The following PCSK4 variants were observed in gnomAD, a reference collection of about 807,000 sequenced individuals.
The protein encoded by PCSK4 is proprotein convertase subtilisin/kexin type 4.
PCSK4 carries 64 observed loss-of-function variants against 80.3 expected under a neutral mutation model. The observed-to-expected ratio is 0.80, with a 90% CI of 0.65 to 0.98. PCSK4 has a LOEUF of 0.98. Ranked by LOEUF, PCSK4 falls within the 50% of genes least tolerant of loss-of-function variation. The probability of loss-of-function intolerance (pLI) is 0.00; values close to 1 mark genes in which losing one functional copy is unlikely to be tolerated. For synonymous variants in PCSK4, 561 were observed against 487.6 expected, an observed-to-expected ratio of 1.15 and a Z score of -1.98; for missense variants, 1,213 against 1,093.6, an observed-to-expected ratio of 1.11 and a Z score of -1.54.
intron 13 of PCSK4, 197 bp downstream of exon 13, chr19:1,482,699 G>A (rs377402334): frequency 7.7e-5 from 58 of 750,786 alleles, no homozygotes; most frequent in South Asian, 3.2e-4. Context: ...TACATCTCCC[G>A]TGTTACCGCA....
intron 11 of PCSK4, 50 bp downstream of exon 11, chr19:1,483,600 G>A: frequency 6.7e-7 from 1 of 1,487,500 alleles, no homozygotes; most frequent in Non-Finnish European, 9.1e-7. Context: ...CCTCAGGCCT[G>A]TCCCCCACAC....
At chr19:1,486,004 G>A (rs113112293) in intron 8 of PCSK4, among the ~76,000 whole-genome samples, 2,474 of 152,172 alleles carry the variant, frequency 0.016, 31 homozygotes, top group East Asian at 0.049. Context: ...ACAGGGTCTC[G>A]CTCTGTGGCC....
At chr19:1,490,000 C>G (rs1174440638) in intron 1 of PCSK4, 103 bp from the exon 2 acceptor site, 2 of 1,526,802 alleles carry the variant, frequency 1.3e-6, no homozygotes, top group African/African-American at 2.8e-5. Context: ...CCAGCAGGTG[C>G]TCTCTGGGAG....
exon 7 of PCSK4, chr19:1,487,174 G>T: frequency 6.2e-7 from 1 of 1,607,304 alleles, no homozygotes; most frequent in Non-Finnish European, 8.5e-7. Context: ...CCTCGCGGGT[G>T]AGGATGCCGG....
chr19:1,488,155 G>C, intron 3 of PCSK4, 33 bp downstream of exon 3: 1 of 1,613,200 alleles, frequency 6.2e-7, no homozygotes, highest in Non-Finnish European at 8.5e-7. Flanking sequence ...CAGCGGCCCC[G>C]TCCCCGTCTA....
In PCSK4 at chr19:1,489,782, G is replaced by A. The variant is rs373489424; in HGVS notation, c.294+11C>T. The stretch of plus-strand genomic sequence containing the variant: ...CCCCGGGCAGGGGGTTGGCCTCCAG[G>A]CCAGGCTCACCTTGGGGTTTTTCTT... On this transcript the variant is annotated intron_variant, in intron 2 of 14. Transcript: ENST00000300954. The A allele has an allele frequency of 3.1e-6, 5 of 1,604,986 alleles. No homozygotes were observed. The highest frequency in any genetic ancestry group is 1.1e-5 in the South Asian group (1 of 89,530).
exon 1 of PCSK4, chr19:1,490,332 C>T: frequency 7.6e-7 from 1 of 1,322,530 alleles, no homozygotes; most frequent in Non-Finnish European, 1.0e-6. Context: ...ACAGCGCAAT[C>T]GGGGCGGGCC....
At position 1,488,284 on chromosome 19, in the gene PCSK4, C is replaced by T; in HGVS notation, c.295-4G>A. 1.2e-6 allele frequency: 2 copies of T among 1,611,402 alleles called. No individual in the cohort carries two copies. The highest frequency in any genetic ancestry group is 1.7e-6 in the Non-Finnish European group (2 of 1,178,836). Reference sequence around the variant, plus strand: ...TCTGCTGCTGGAACCACTGCACCTGCAGAGCAGAGGGTGCATCAGGCCTGT... The same window carrying T: ...TCTGCTGCTGGAACCACTGCACCTGTAGAGCAGAGGGTGCATCAGGCCTGT... On this transcript the variant is annotated splice_region_variant and splice_polypyrimidine_tract_variant and intron_variant, in intron 2 of 14. Coordinates refer to ENST00000300954, the Ensembl canonical transcript of PCSK4.
At chr19:1,486,996 T>G in exon 8 of PCSK4, 1 of 1,609,886 alleles carries the variant, frequency 6.2e-7, no homozygotes, top group Non-Finnish European at 8.5e-7. Context: ...CCGTCGCAGT[T>G]GCAGTTGTCG....
chr19:1,490,016 G>T, intron 1 of PCSK4, 119 bp from the exon 2 acceptor site: 1 of 1,524,084 alleles, frequency 6.6e-7, no homozygotes, highest in Non-Finnish European at 8.8e-7. Flanking sequence ...GGGAGTCCCA[G>T]AAGCTGAGCT....
In PCSK4 at chr19:1,490,217, G is replaced by A; in HGVS notation, c.130C>T (p.Gln44Ter). 1.2e-6 allele frequency: 2 copies of A among 1,613,288 alleles called. No individual in the cohort carries two copies. Among genetic ancestry groups the A allele is most frequent in the Non-Finnish European group, 1.7e-6 (2 of 1,179,968 alleles). The change falls in exon 1 of 15, where the codon CAG (glutamine) becomes TAG (stop). Residue 44 changes from glutamine (Q) to a stop codon, truncating the protein, a stop_gained. Transcript: ENST00000300954. LOFTEE classifies it high-confidence loss of function. Reference sequence around the variant, plus strand: ...AGGCGCTCGACCTCCCGGTTACCCTGGGACACCTGGACGGCCCAGCTGCTG... The same window carrying A: ...AGGCGCTCGACCTCCCGGTTACCCTAGGACACCTGGACGGCCCAGCTGCTG...
chr19:1,490,349 AGGCGG>A, exon 1 of PCSK4: 1 of 1,164,360 alleles, frequency 8.6e-7, no homozygotes, highest in Non-Finnish European at 1.2e-6. Context: ...GGCCGCATGG[AGGCGG>A]GGCGGGAGCG....
intron 1 of PCSK4, 124 bp from the exon 2 acceptor site, chr19:1,490,021 T>C: frequency 6.6e-7 from 1 of 1,520,542 alleles, no homozygotes; most frequent in Non-Finnish European, 8.9e-7. Flanking sequence ...TCCCAGAAGC[T>C]GAGCTTGGCT....
intron 9 of PCSK4, 33 bp from the exon 10 acceptor site, chr19:1,483,974 G>A (rs1194484408): frequency 4.2e-6 from 6 of 1,441,966 alleles, no homozygotes; most frequent in East Asian, 2.9e-5. Context: ...CGGGTGAGCC[G>A]CCGGGCCGCG....
intron 13 of PCSK4, 33 bp downstream of exon 13, chr19:1,482,863 G>C (rs367784299): frequency 1.5e-4 from 248 of 1,606,176 alleles, no homozygotes; most frequent in Non-Finnish European, 2.0e-4. Flanking sequence ...GGAGAGCCAA[G>C]CCCCGCCCAC....
intron 12 of PCSK4, 109 bp downstream of exon 12, chr19:1,483,175 C>A (rs1038990479): frequency 1.5e-5 from 19 of 1,279,322 alleles, no homozygotes; most frequent in Admixed American, 2.7e-5. Context: ...AACTAGGCTG[C>A]CGTGTGACTC....
chr19:1,484,718 C>T (rs1039080495), intron 8 of PCSK4, among the ~76,000 whole-genome samples: 1 of 151,686 alleles, frequency 6.6e-6, no homozygotes, highest in Admixed American at 6.6e-5. Flanking sequence ...GAGGCTGAGG[C>T]AAGACAATCA....
intron 6 of PCSK4, 65 bp downstream of exon 6, chr19:1,487,538 T>C: frequency 1.4e-6 from 2 of 1,394,526 alleles, no homozygotes; most frequent in South Asian, 1.2e-5. Flanking sequence ...TGGGCCCAGC[T>C]CCCCGCCAGA....
At chr19:1,483,218 C>A in intron 12 of PCSK4, 66 bp downstream of exon 12, 1 of 1,429,356 alleles carries the variant, frequency 7.0e-7, no homozygotes, top group Non-Finnish European at 9.3e-7. Context: ...TGAGGACACT[C>A]CGGGTAGATG....
Sources: allele counts gnomAD v4.1 joint callset (sites outside exome capture counted in the v4.1 genomes callset), GRCh38; gene constraint gnomAD v4.1.1; transcripts MANE v1.5; gene names NCBI Gene and HGNC (gene_info 2026-07-23, HGNC 2026-07-21).